Variants in SLC10A6 observed in about 807,000 individuals in gnomAD.
The protein encoded by SLC10A6 is solute carrier family 10 member 6.
A neutral mutation model predicts 30.0 loss-of-function variants in SLC10A6; 27 were observed. The observed-to-expected ratio is 0.90, with a 90% confidence interval of 0.66 to 1.24. The LOEUF is 1.24. Among genes scored for constraint, SLC10A6 ranks in the 50% most tolerant of loss-of-function variants. The pLI, the probability that SLC10A6 is intolerant of heterozygous loss-of-function variation, is 0.00. For missense variants in SLC10A6, 439 were observed against 457.0 expected (o/e 0.96, Z 0.36); for synonymous variants, 166 against 173.8 (o/e 0.95, Z 0.36).
chr4:86,833,337 C>T lies in SLC10A6; in HGVS notation c.465G>A (p.Gln155=), dbSNP rs1035846277. The change falls in exon 2 of 6, where the codon CAG becomes CAA. Residue 155 remains glutamine, a synonymous_variant. Coordinates refer to ENST00000273905, the MANE Select transcript of SLC10A6 (RefSeq NM_197965.3). ...TCTGATAAGGAATGGTGAGATTCTG[C>T]TGAAGACTCCAGGACCAGGTGTAGA... ...IYLYTWSWSL[Q]QNLTIPYQNI... The T allele has an allele frequency of 6.2e-7, 1 of 1,613,980 alleles. No homozygotes were observed. Among genetic ancestry groups the T allele is most frequent in the African/African-American group, 1.3e-5 (1 of 74,936 alleles).
Position 86,828,170 on chromosome 4 carries a change from T to G in SLC10A6, c.586-2A>C. 5 of 1,607,922 alleles carry G rather than the reference T, an allele frequency of 3.1e-6. No individual in the cohort carries two copies. Among genetic ancestry groups the G allele is most frequent in the Non-Finnish European group, 4.2e-6 (5 of 1,178,264 alleles). On this transcript the variant is annotated splice_acceptor_variant, in intron 3 of 5. Transcript: ENST00000273905. LOFTEE classifies it high-confidence loss of function. ...GACCCCACCAACAACGGCCCCAATCTGAAGCAAACAATAAAATAAGTGAAT... is the reference window on the plus strand; with the variant it reads ...GACCCCACCAACAACGGCCCCAATCGGAAGCAAACAATAAAATAAGTGAAT...
chr4:86,825,365 G>A, intron 5 of SLC10A6, 55 bp downstream of exon 5: 1 of 1,525,108 alleles, frequency 6.6e-7, no homozygotes, highest in Non-Finnish European at 9.0e-7. Context: ...AAGTTGGTAA[G>A]TTGGGGTGAA....
At chr4:86,837,231 GAAAGAA>G (rs757836060) in intron 1 of SLC10A6, among the ~76,000 whole-genome samples, 12 of 85,882 alleles carry the variant, frequency 1.4e-4, no homozygotes, top group Admixed American at 5.4e-4. Context: ...GAGAGAGAAA[GAAAGAA>G]AGAAAGAAAG....
chr4:86,842,856 TTCTTTCTTTCTTTCTTTC>T, intron 1 of SLC10A6, among the ~76,000 whole-genome samples: 4 of 48,180 alleles, frequency 8.3e-5, no homozygotes, highest in Admixed American at 4.3e-4. Context: ...CTTTCTTTCT[TTCTTTCTTTCTTTCTTTC>T]TTTTTTTTTT....
rs191799358 is a variant in SLC10A6, at chr4:86,836,470, T to G, written c.378-3046A>C. On this transcript the variant is annotated intron_variant, in intron 1 of 5. Coordinates refer to ENST00000273905, the MANE Select transcript of SLC10A6 (RefSeq NM_197965.3). Reference sequence around the variant, plus strand: ...ACCTTCATGAATGAATTAATGCTATTTTAAGAGGACTCCACCAAGGAAGTT... The same window carrying G: ...ACCTTCATGAATGAATTAATGCTATGTTAAGAGGACTCCACCAAGGAAGTT... Among the ~76,000 whole-genome samples the G allele has an allele frequency of 2.0e-4, 31 of 152,286 alleles. No individual in the cohort carries two copies. In the East Asian group the frequency reaches 5.6e-3, roughly 28 times the overall value.
chr4:86,843,007 C>T (rs951742292), intron 1 of SLC10A6, among the ~76,000 whole-genome samples: 1 of 151,378 alleles, frequency 6.6e-6, no homozygotes, highest in Non-Finnish European at 1.5e-5. Context: ...GAGTAGCTGG[C>T]ATTACAGGCA....
Position 86,831,874 on chromosome 4 carries a change from G to GT in SLC10A6, c.502dup (p.Thr168AsnfsTer114). On this transcript the variant is annotated frameshift_variant, in exon 3 of 6. Coordinates refer to ENST00000273905, the MANE Select transcript of SLC10A6 (RefSeq NM_197965.3). LOFTEE classifies it high-confidence loss of function. ...CACAGGAATGGTCAGGCACACAAGG[G>GT]TAATTCCTAAAGAGAAGAAAAATCC... 1 of 1,612,456 alleles carries GT rather than the reference G, an allele frequency of 6.2e-7. No homozygotes were observed. Among genetic ancestry groups the GT allele is most frequent in the Admixed American group, 1.7e-5 (1 of 59,950 alleles).
At chr4:86,829,007 A>G (rs993512114) in intron 3 of SLC10A6, among the ~76,000 whole-genome samples, 4 of 152,186 alleles carry the variant, frequency 2.6e-5, no homozygotes, top group African/African-American at 7.2e-5. Context: ...AGAGAAGACA[A>G]CAAACAAACA....
intron 1 of SLC10A6, among the ~76,000 whole-genome samples, chr4:86,835,745 A>AAGAGAG (rs143930076): frequency 4.0e-5 from 6 of 149,758 alleles, no homozygotes; most frequent in East Asian, 3.9e-4. Context: ...GAAAGAAAGA[A>AAGAGAG]AGAGAGAGAG....
intron 1 of SLC10A6, among the ~76,000 whole-genome samples, chr4:86,834,453 G>A (rs1400301842): frequency 6.6e-6 from 1 of 152,154 alleles, no homozygotes; most frequent in Admixed American, 6.5e-5. Flanking sequence ...ATATATCACA[G>A]CTTCATTCTT....
chr4:86,832,689 G>T (rs1291118732), intron 2 of SLC10A6, among the ~76,000 whole-genome samples: 1 of 152,004 alleles, frequency 6.6e-6, no homozygotes, highest in Non-Finnish European at 1.5e-5. Flanking sequence ...TTCTAAGCTT[G>T]CTAAACCCAC....
At position 86,825,455 on chromosome 4, in the gene SLC10A6, A is replaced by G; in HGVS notation, c.884T>C (p.Leu295Pro). The G allele has an allele frequency of 6.2e-7, 1 of 1,607,010 alleles. No individual in the cohort carries two copies. Among genetic ancestry groups the G allele is most frequent in the Non-Finnish European group, 8.5e-7 (1 of 1,174,400 alleles). Residue 295 changes from leucine to proline, a missense_variant, in exon 5 of 6, where the codon CTC becomes CCC. Leu to Pro is a moderately conservative substitution (Grantham distance 98). Transcript: ENST00000273905. Reference protein sequence around the residue: ...QMLSFPLAYGLFQLIDGFLIV... With the variant: ...QMLSFPLAYGPFQLIDGFLIV... ...AAGAAATCCATCTATCAGCTGGAAG[A>G]GTCCATAGGCCAGTGGGAAACTCAA...
intron 1 of SLC10A6, among the ~76,000 whole-genome samples, chr4:86,837,287 A>AAAGAAAGAAAG (rs1560460369): frequency 4.2e-5 from 3 of 71,936 alleles, no homozygotes; most frequent in Non-Finnish European, 5.2e-5. Flanking sequence ...AAGAAAGAAA[A>AAAGAAAGAAAG]AGAAAGGAAG....
At chr4:86,844,157 G>A (rs1746354770) in intron 1 of SLC10A6, among the ~76,000 whole-genome samples, 1 of 152,116 alleles carries the variant, frequency 6.6e-6, no homozygotes, top group Non-Finnish European at 1.5e-5. Context: ...CAGCCTGGGT[G>A]ACAGAGCGAG....
At chr4:86,838,344 T>A (rs958082772) in intron 1 of SLC10A6, among the ~76,000 whole-genome samples, 3 of 152,214 alleles carry the variant, frequency 2.0e-5, no homozygotes, top group African/African-American at 7.2e-5. Flanking sequence ...GTGAGTGGCA[T>A]GACAGCCAGG....
At chr4:86,832,456 A>G (rs1235643439) in intron 2 of SLC10A6, among the ~76,000 whole-genome samples, 1 of 152,032 alleles carries the variant, frequency 6.6e-6, no homozygotes, top group Non-Finnish European at 1.5e-5. Flanking sequence ...ATACCAAAAA[A>G]ATTAGCCGGG....
chr4:86,835,839 T>C (rs1056435240), intron 1 of SLC10A6, among the ~76,000 whole-genome samples: 1 of 152,114 alleles, frequency 6.6e-6, no homozygotes, highest in African/African-American at 2.4e-5. Flanking sequence ...AAGTAAGATT[T>C]CTAGGCTTCA....
intron 1 of SLC10A6, chr4:86,837,445 A>C (rs754628303): frequency 5.9e-5 from 12 of 202,912 alleles, no homozygotes; most frequent in Non-Finnish European, 1.0e-4. Context: ...AATAAAATTT[A>C]AAAAAGAAGT....
chr4:86,839,390 G>A lies in SLC10A6; in HGVS notation c.378-5966C>T, dbSNP rs117820887. On this transcript the variant is annotated intron_variant, in intron 1 of 5. Coordinates refer to ENST00000273905, the MANE Select transcript of SLC10A6 (RefSeq NM_197965.3). ...GGCTTGAGCTCAGGAGTTTGAGGCT[G>A]CAGTGAGCTATGCTCACACCACAAC... Among the ~76,000 whole-genome samples the A allele has an allele frequency of 2.8e-3, 431 of 152,084 alleles. 17 individuals are homozygous for A. In the East Asian group the frequency reaches 0.079, roughly 28 times the overall value.
Sources: gnomAD v4.1 joint callset for allele counts (sites outside exome capture counted in the v4.1 genomes callset) on GRCh38, gnomAD v4.1.1 for gene constraint, MANE v1.5 for transcripts, NCBI Gene and HGNC (gene_info 2026-07-23, HGNC 2026-07-21) for gene names.